The following OLFML2B variants were observed in gnomAD, a reference collection of about 807,000 sequenced individuals.
OLFML2B encodes olfactomedin-like protein 2B.
Under a neutral mutation model 74.9 loss-of-function variants are expected in OLFML2B, and 57 were observed. That is an observed-to-expected ratio of 0.76 (90% CI 0.61 to 0.95). OLFML2B has a LOEUF of 0.95. Among genes scored for constraint, OLFML2B ranks in the 40% least tolerant of loss-of-function variants. The pLI, the probability that OLFML2B is intolerant of heterozygous loss-of-function variation, is 0.00. For missense variants in OLFML2B, 986 were observed against 970.6 expected (o/e 1.02, Z -0.21); for synonymous variants, 388 against 405.8 (o/e 0.96, Z 0.53).
At chr1:161,996,746 C>T (rs1226152605) in intron 6 of OLFML2B, among the ~76,000 whole-genome samples, 2 of 152,162 alleles carry the variant, frequency 1.3e-5, no homozygotes, top group African/African-American at 2.4e-5. Context: ...CACTGCTCTG[C>T]GTTCTCTTGG....
Position 161,983,554 on chromosome 1 carries a change from A to G in OLFML2B, c.*121T>C. The G allele has an allele frequency of 9.0e-7, 1 of 1,107,288 alleles. No homozygotes were observed. The highest frequency in any genetic ancestry group is 1.7e-5 in the South Asian group (1 of 57,594). 68.6% of individuals were successfully genotyped at this position (1,107,288 alleles called of 1,614,324 possible). On this transcript the variant is annotated 3_prime_UTR_variant, in exon 8 of 8. Transcript: ENST00000294794. ...CAAATTGTCATTTTACATTTGCAATATTATACAAAATAATATATATTTTTA... is the reference window on the plus strand; with the variant it reads ...CAAATTGTCATTTTACATTTGCAATGTTATACAAAATAATATATATTTTTA...
At chr1:162,006,109 G>T (rs1690221645) in intron 4 of OLFML2B, among the ~76,000 whole-genome samples, 188 bp downstream of exon 4, 2 of 152,126 alleles carry the variant, frequency 1.3e-5, no homozygotes, top group African/African-American at 4.8e-5. Flanking sequence ...TCCTCTCTGG[G>T]CTTCAGTGTG....
rs1252991946 is a variant in OLFML2B, at chr1:162,006,378, G to C, written c.642C>G (p.Cys214Trp). Residue 214 changes from cysteine (C) to tryptophan (W), a missense_variant, in exon 4 of 8, where the codon TGC becomes TGG. Coordinates refer to ENST00000294794, the MANE Select transcript of OLFML2B (RefSeq NM_015441.3). ...TEMNKRGKEN[C>W]SENILDSMPD... Reference sequence around the variant, plus strand: ...GCATGCTATCTAGGATGTTTTCAGAGCAATTTTCTTTGCCTCGCTTATTCA... The same window carrying C: ...GCATGCTATCTAGGATGTTTTCAGACCAATTTTCTTTGCCTCGCTTATTCA... 6.2e-7 allele frequency: 1 copy of C among 1,612,968 alleles called. No homozygotes were observed. The highest frequency in any genetic ancestry group is 1.3e-5 in the African/African-American group (1 of 74,738).
chr1:161,988,531 A>G (rs1689649451), intron 6 of OLFML2B, among the ~76,000 whole-genome samples: 1 of 151,626 alleles, frequency 6.6e-6, no homozygotes, highest in African/African-American at 2.4e-5. Context: ...TTGGAAACTG[A>G]GGTAGCCACC....
chr1:161,997,797 A>G, intron 6 of OLFML2B, 28 bp downstream of exon 6: 1 of 1,584,772 alleles, frequency 6.3e-7, no homozygotes, highest in Non-Finnish European at 8.6e-7. Context: ...GCTGATCAGG[A>G]GACCAAGGCC....
chr1:162,017,643 A>G, intron 2 of OLFML2B, 136 bp from the exon 3 acceptor site: 1 of 611,880 alleles, frequency 1.6e-6, no homozygotes, highest in Non-Finnish European at 2.8e-6. Flanking sequence ...TGAGAAACAC[A>G]TTTGTGTAGA....
Position 161,983,610 on chromosome 1 carries a change from G to GCA in OLFML2B, c.*64_*65insTG, listed in dbSNP as rs2101940497. ...CACATACCCACCTACACACACGTGCGCGCACACACATACACACAAGGTGCT... is the reference window on the plus strand; with the variant it reads ...CACATACCCACCTACACACACGTGCGCACGCACACACATACACACAAGGTGCT... On this transcript the variant is annotated 3_prime_UTR_variant, in exon 8 of 8. Coordinates refer to ENST00000294794, the MANE Select transcript of OLFML2B (RefSeq NM_015441.3). 2.6e-6 allele frequency: 4 copies of GCA among 1,525,076 alleles called. No individual in the cohort carries two copies. In the East Asian group the frequency reaches 9.1e-5, roughly 35 times the overall value. The allele number at this position is 1,525,076 out of a possible 1,614,324, so 94.5% of individuals were successfully genotyped here. A position where few individuals can be genotyped will look rare whatever the true frequency, so the allele number is the denominator to read the frequency against.
At chr1:162,007,027 T>G (rs10918438) in intron 3 of OLFML2B, among the ~76,000 whole-genome samples, 86,850 of 152,168 alleles carry the variant, frequency 0.57, 29,821 homozygotes, top group Non-Finnish European at 0.76. Context: ...AGAAAATTGA[T>G]AGGCTGGCTT....
chr1:162,017,133 A>G (rs1195325940), intron 3 of OLFML2B, among the ~76,000 whole-genome samples: 2 of 152,246 alleles, frequency 1.3e-5, no homozygotes, highest in African/African-American at 2.4e-5. Flanking sequence ...AAGTCAAGGT[A>G]AAAATGGAAA....
chr1:162,021,315 A>C (rs532820375), intron 1 of OLFML2B, among the ~76,000 whole-genome samples: 3 of 152,372 alleles, frequency 2.0e-5, no homozygotes, highest in Non-Finnish European at 4.4e-5. Flanking sequence ...TTGCAATGCT[A>C]AACATTTCCT....
intron 3 of OLFML2B, among the ~76,000 whole-genome samples, chr1:162,013,851 A>G (rs1690458670): frequency 6.6e-6 from 1 of 151,942 alleles, no homozygotes; most frequent in African/African-American, 2.4e-5. Flanking sequence ...AAAACAACAT[A>G]GGTAAATATT....
intron 3 of OLFML2B, among the ~76,000 whole-genome samples, 155 bp from the exon 4 acceptor site, chr1:162,006,628 GGCTGA>G (rs1202471393): frequency 6.6e-6 from 1 of 152,002 alleles, no homozygotes; most frequent in African/African-American, 2.4e-5. Flanking sequence ...CCCAGCCCTG[GGCTGA>G]GCACCGGTAC....
intron 6 of OLFML2B, among the ~76,000 whole-genome samples, chr1:161,994,336 G>A (rs904540460): frequency 7.2e-5 from 11 of 152,268 alleles, no homozygotes; most frequent in Non-Finnish European, 1.2e-4. Context: ...CCCCATGGTC[G>A]GCACAGCTGG....
intron 3 of OLFML2B, among the ~76,000 whole-genome samples, chr1:162,009,384 A>C (rs1236627158): frequency 6.6e-6 from 1 of 152,158 alleles, no homozygotes; most frequent in Non-Finnish European, 1.5e-5. Context: ...ATTTGACGGA[A>C]GATCTCACTA....
At position 161,983,773 on chromosome 1, in the gene OLFML2B, A is replaced by G; in HGVS notation, c.2155T>C (p.Ser719Pro). 6.2e-7 allele frequency: 1 copy of G among 1,614,018 alleles called. No individual in the cohort carries two copies. The highest frequency in any genetic ancestry group is 8.5e-7 in the Non-Finnish European group (1 of 1,180,000). Residue 719 changes from serine to proline, a missense_variant, in exon 8 of 8, where the codon TCC becomes CCC. Coordinates refer to ENST00000294794, the MANE Select transcript of OLFML2B (RefSeq NM_015441.3). ...TTGTAGTCTATCTGGGTCGTATAGG[A>G]ATACTCATTCTCGAACAGCAGCCTG... ...VPRLLFENEY[S>P]YTTQIDYNPK...
chr1:161,984,861 T>A lies in OLFML2B; in HGVS notation c.1594A>T (p.Asn532Tyr). ...LAKDERIYVT[N>Y]YYYGNTLVEF... ...ACCAGGGTGTTGCCGTAGTAATAGT[T>A]GGTTACGTAAATCCGCTCATCCTTG... The change falls in exon 7 of 8, where the codon AAC becomes TAC. Residue 532 changes from asparagine to tyrosine, a missense_variant. Coordinates refer to ENST00000294794, the MANE Select transcript of OLFML2B (RefSeq NM_015441.3). 1.9e-6 allele frequency: 3 copies of A among 1,613,300 alleles called. No individual in the cohort carries two copies. Among genetic ancestry groups the A allele is most frequent in the Non-Finnish European group, 2.5e-6 (3 of 1,179,882 alleles).
intron 7 of OLFML2B, 44 bp downstream of exon 7, chr1:161,984,760 T>C (rs1432807728): frequency 6.3e-7 from 1 of 1,587,032 alleles, no homozygotes; most frequent in African/African-American, 1.4e-5. Flanking sequence ...ACAGAGGACG[T>C]GGGGAAGGGA....
chr1:161,986,973 C>T (rs539832950), intron 6 of OLFML2B, among the ~76,000 whole-genome samples: 3 of 152,336 alleles, frequency 2.0e-5, no homozygotes, highest in Non-Finnish European at 2.9e-5. Context: ...AGCCAGGACT[C>T]GTCTGTGCAG....
At position 162,023,659 on chromosome 1, in the gene OLFML2B, C is replaced by T; in HGVS notation, c.-229G>A. 2.8e-6 allele frequency: 1 copy of T among 351,976 alleles called. No individual in the cohort carries two copies. The highest frequency in any genetic ancestry group is 5.1e-6 in the Non-Finnish European group (1 of 197,702). 21.8% of individuals were successfully genotyped at this position (351,976 alleles called of 1,614,324 possible). The stretch of plus-strand genomic sequence containing the variant: ...CGACTGTGCAGCCCCAGTGGAGAGC[C>T]GGACGCAAGGAAGAGGGGATGACGG... On this transcript the variant is annotated 5_prime_UTR_variant, in exon 1 of 8. Transcript: ENST00000294794.
Sources: allele counts gnomAD v4.1 joint callset (sites outside exome capture counted in the v4.1 genomes callset), GRCh38; gene constraint gnomAD v4.1.1; transcripts MANE v1.5; gene names NCBI Gene and HGNC (gene_info 2026-07-23, HGNC 2026-07-21).